BRCA2: variants seen among roughly 807,000 people sequenced by gnomAD.
The protein encoded by BRCA2 is breast cancer type 2 susceptibility protein.
Under a neutral mutation model 276.7 loss-of-function variants are expected in BRCA2, and 203 were observed. That is an observed-to-expected ratio of 0.73 (90% CI 0.65 to 0.82). BRCA2 has a LOEUF of 0.82. Among genes scored for constraint, BRCA2 ranks in the 40% least tolerant of loss-of-function variants. The probability of loss-of-function intolerance (pLI) is 0.00; values close to 1 mark genes in which losing one functional copy is unlikely to be tolerated. For missense variants in BRCA2, 3,920 were observed against 3,915.0 expected (o/e 1.00, Z -0.03); for synonymous variants, 1,289 against 1,338.4 (o/e 0.96, Z 0.81).
rs571479109 is a variant in BRCA2 at position 32,383,544 on chromosome 13, G to A, written c.9256+3399G>A. 7.2e-5 allele frequency among the ~76,000 whole-genome samples: 11 copies of A among 152,302 alleles called. No individual in the cohort carries two copies. In the South Asian group the frequency reaches 2.3e-3, roughly 32 times the overall value. On this transcript the variant is annotated intron_variant, in intron 24 of 26. Coordinates refer to ENST00000380152, the MANE Select transcript of BRCA2 (RefSeq NM_000059.4). ...TTTTCAACCGTGTTCAGCTCTGATG[G>A]TGTGGGCATGAAGTAGTTGGAAAGT...
At chr13:32,331,136 G>A in intron 9 of BRCA2, 106 bp downstream of exon 9, 8 of 773,242 alleles carry the variant, frequency 1.0e-5, no homozygotes, top group Admixed American at 2.2e-5. Context: ...TCGGTTTACC[G>A]CAACCTCTGC....
chr13:32,335,709 AATTTT>A (rs1177951236), intron 10 of BRCA2, among the ~76,000 whole-genome samples: 1 of 152,012 alleles, frequency 6.6e-6, no homozygotes, highest in Non-Finnish European at 1.5e-5. Context: ...CCTAGATACT[AATTTT>A]GATTGAGTTG....
At chr13:32,372,785 C>A (rs1021251957) in intron 20 of BRCA2, among the ~76,000 whole-genome samples, 17 of 152,104 alleles carry the variant, frequency 1.1e-4, no homozygotes, top group African/African-American at 3.9e-4. Flanking sequence ...AGCATTAACT[C>A]AAAAGTTCAA....
intron 13 of BRCA2, among the ~76,000 whole-genome samples, chr13:32,352,446 T>G (rs2072659568): frequency 6.6e-6 from 1 of 152,088 alleles, no homozygotes; most frequent in Non-Finnish European, 1.5e-5. Context: ...GAACCAGACA[T>G]GAAAACAAGA....
At chr13:32,367,208 G>T (rs973552622) in intron 18 of BRCA2, among the ~76,000 whole-genome samples, 1 of 152,086 alleles carries the variant, frequency 6.6e-6, no homozygotes, top group Non-Finnish European at 1.5e-5. Context: ...GCCGAGGCAG[G>T]CAGATCACTT....
chr13:32,363,116 G>T, intron 17 of BRCA2, 63 bp from the exon 18 acceptor site: 1 of 1,387,482 alleles, frequency 7.2e-7, no homozygotes, highest in South Asian at 1.2e-5. Flanking sequence ...TCAGTGACTT[G>T]TTTAAACAGT....
At position 32,376,134 on chromosome 13, in the gene BRCA2, A is replaced by G. The variant is rs2072869628; in HGVS notation, c.8633-536A>G. ...AGTGAAGTGAAATACATTAAAACAA[A>G]TATACCTATGTTAACTCACATATTA... On this transcript the variant is annotated intron_variant, in intron 20 of 26. Transcript: ENST00000380152. Among the ~76,000 whole-genome samples, 3 of 152,204 alleles carry G rather than the reference A, an allele frequency of 2.0e-5. No homozygotes were observed. In the South Asian group the frequency reaches 6.2e-4, roughly 31 times the overall value.
intron 20 of BRCA2, among the ~76,000 whole-genome samples, chr13:32,376,350 C>T (rs1174088322): frequency 6.6e-6 from 1 of 151,602 alleles, no homozygotes; most frequent in Non-Finnish European, 1.5e-5. Flanking sequence ...GGTGAAACTC[C>T]GTCTCTACCA....
chr13:32,336,508 A>G lies in BRCA2; in HGVS notation c.2153A>G (p.Glu718Gly), dbSNP rs1060502427. 1 of 1,614,120 alleles carries G rather than the reference A, an allele frequency of 6.2e-7. No homozygotes were observed. Among genetic ancestry groups the G allele is most frequent in the Non-Finnish European group, 8.5e-7 (1 of 1,180,022 alleles). The stretch of plus-strand genomic sequence containing the variant: ...TCATGCCTGCAGGAAGGACAGTGTG[A>G]AAATGATCCAAAAAGCAAAAAAGTT... ...SLSCLQEGQC[E>G]NDPKSKKVSD... Residue 718 changes from glutamate to glycine, a missense_variant, in exon 11 of 27, where the codon GAA (glutamate) becomes GGA (glycine). By Grantham distance (98) the Glu-to-Gly change is moderately conservative (BLOSUM62 -2). Coordinates refer to ENST00000380152, the MANE Select transcript of BRCA2 (RefSeq NM_000059.4).
chr13:32,323,151 A>ATTT lies in BRCA2; in HGVS notation c.317-1909_317-1907dup, dbSNP rs200414858. ...GGTACCTCATTGTTTGTTTTATTTA[A>ATTT]TTTTTTTTTTTTTTTTTTGGAGATG... is the stretch of plus-strand genomic sequence containing the variant. On this transcript the variant is annotated intron_variant, in intron 3 of 26. Transcript: ENST00000380152. 5.9e-5 allele frequency among the ~76,000 whole-genome samples: 8 copies of ATTT among 135,866 alleles called. No homozygotes were observed. The East Asian group carries it at 1.0e-3, about 18-fold the overall frequency. 89.1% of individuals were successfully genotyped at this position (135,866 alleles called of 152,430 possible).
intron 2 of BRCA2, among the ~76,000 whole-genome samples, chr13:32,318,431 T>C (rs1024817957): frequency 6.6e-6 from 1 of 151,768 alleles, no homozygotes; most frequent in African/African-American, 2.4e-5. Flanking sequence ...ATTTTATCTG[T>C]GGAATGTATT....
Position 32,339,465 on chromosome 13 carries a change from A to G in BRCA2, c.5110A>G (p.Arg1704Gly), listed in dbSNP as rs1064795652. 3.2e-6 allele frequency: 5 copies of G among 1,586,096 alleles called. No individual in the cohort carries two copies. Among genetic ancestry groups the G allele is most frequent in the Non-Finnish European group, 4.3e-6 (5 of 1,167,818 alleles). ...AGGAATATTTGATGGTCAACCAGAAAGAATAAATACTGCAGATTATGTAGG... is the reference window on the plus strand; with the variant it reads ...AGGAATATTTGATGGTCAACCAGAAGGAATAAATACTGCAGATTATGTAGG... ...REGIFDGQPE[R>G]INTADYVGNY... The change falls in exon 11 of 27, where the codon AGA (arginine) becomes GGA (glycine). Residue 1704 changes from arginine to glycine, a missense_variant. Physicochemically the swap from Arg to Gly is moderately radical, Grantham distance 125. Coordinates refer to ENST00000380152, the MANE Select transcript of BRCA2 (RefSeq NM_000059.4).
At chr13:32,381,391 G>T (rs1371084437) in intron 24 of BRCA2, among the ~76,000 whole-genome samples, 1 of 152,144 alleles carries the variant, frequency 6.6e-6, no homozygotes, top group East Asian at 1.9e-4. Flanking sequence ...TAATGTCAGA[G>T]AAGAGAGAGG....
At chr13:32,383,100 G>A (rs556947267) in intron 24 of BRCA2, among the ~76,000 whole-genome samples, 2 of 152,226 alleles carry the variant, frequency 1.3e-5, no homozygotes, top group African/African-American at 2.4e-5. Context: ...GGTGGCTAAC[G>A]CCTGTAATCC....
At chr13:32,335,057 A>G (rs965968018) in intron 10 of BRCA2, among the ~76,000 whole-genome samples, 2 of 152,184 alleles carry the variant, frequency 1.3e-5, no homozygotes, top group African/African-American at 4.8e-5. Flanking sequence ...GAAAAAGCTA[A>G]TATAGGCCAG....
intron 11 of BRCA2, among the ~76,000 whole-genome samples, chr13:32,341,410 C>T (rs2072568875): frequency 6.6e-6 from 1 of 151,980 alleles, no homozygotes; most frequent in African/African-American, 2.4e-5. Flanking sequence ...TTCGATATCT[C>T]TGAATCTGTA....
chr13:32,340,102 A>G lies in BRCA2; in HGVS notation c.5747A>G (p.His1916Arg), dbSNP rs431825334. 1.2e-6 allele frequency: 2 copies of G among 1,613,888 alleles called. No homozygotes were observed. Among genetic ancestry groups the G allele is most frequent in the Middle Eastern group, 1.7e-4 (1 of 6,060 alleles). Residue 1916 changes from histidine (H) to arginine (R), a missense_variant, in exon 11 of 27, where the codon CAT (histidine) becomes CGT (arginine). His to Arg is a conservative substitution (Grantham distance 29). Transcript: ENST00000380152. ...CTAGATAATGATGAATGTAGCACGC[A>G]TTCACATAAGGTTTTTGCTGACATT... Reference protein sequence around the residue: ...NSLDNDECSTHSHKVFADIQS... With the variant: ...NSLDNDECSTRSHKVFADIQS...
Position 32,380,283 on chromosome 13 carries a change from C to T in BRCA2, c.9256+138C>T, listed in dbSNP as rs1159579390. The T allele has an allele frequency of 8.6e-6, 7 of 810,288 alleles. No individual in the cohort carries two copies. The African/African-American group carries it at 1.0e-4, about 12-fold the overall frequency. 50.2% of individuals were successfully genotyped at this position (810,288 alleles called of 1,614,324 possible). A position where few individuals can be genotyped will look rare whatever the true frequency, so the allele number is the denominator to read the frequency against. On this transcript the variant is annotated intron_variant, in intron 24 of 26. Transcript: ENST00000380152. Reference sequence around the variant, plus strand: ...TGATCTGAAAGTAAGCCTCTTTGAACCTCTGATTTTTCATGAAAAGCAATT... The same window carrying T: ...TGATCTGAAAGTAAGCCTCTTTGAATCTCTGATTTTTCATGAAAAGCAATT...
intron 9 of BRCA2, 88 bp downstream of exon 9, chr13:32,331,118 C>T (rs1283120215): frequency 7.5e-6 from 7 of 929,416 alleles, no homozygotes; most frequent in Non-Finnish European, 1.0e-5. Flanking sequence ...GCTCTGTCAC[C>T]CGTGATCTCG....
Sources: allele counts gnomAD v4.1 joint callset (sites outside exome capture counted in the v4.1 genomes callset), GRCh38; gene constraint gnomAD v4.1.1; transcripts MANE v1.5; gene names NCBI Gene and HGNC (gene_info 2026-07-23, HGNC 2026-07-21).